The following IPMK variants were observed in gnomAD, a reference collection of about 807,000 sequenced individuals.
IPMK encodes inositol 1,3,4,6-tetrakisphosphate 5-kinase.
IPMK carries 17 observed loss-of-function variants against 45.8 expected under a neutral mutation model. The observed-to-expected ratio is 0.37, with a 90% CI of 0.25 to 0.56. The LOEUF (loss-of-function observed/expected upper bound fraction) is 0.56, where lower values mean the gene tolerates loss of function less well. IPMK is among the 20% of genes least tolerant of loss of function. The pLI is 0.79. For synonymous variants in IPMK, 180 were observed against 184.3 expected, an observed-to-expected ratio of 0.98 and a Z score of 0.19; for missense variants, 399 against 498.0, an observed-to-expected ratio of 0.80 and a Z score of 1.89.
chr10:58,240,756 A>C (rs1838685151), intron 1 of IPMK, among the ~76,000 whole-genome samples: 1 of 152,176 alleles, frequency 6.6e-6, no homozygotes, highest in Non-Finnish European at 1.5e-5. Context: ...AATAAAGCTA[A>C]AATTTTTAAC....
At chr10:58,205,840 T>A (rs573246807) in intron 4 of IPMK, among the ~76,000 whole-genome samples, 8 of 152,304 alleles carry the variant, frequency 5.3e-5, no homozygotes, top group East Asian at 1.9e-4. Flanking sequence ...AATAATTTTT[T>A]AAAAAATTAA....
At position 58,193,557 on chromosome 10, in the gene IPMK, A is replaced by T. The variant is rs1288610548; in HGVS notation, c.*2519T>A. ...AATATCAATTAATGTAAATATTATA[A>T]AACTATTATACAATTTAAATTTTTA... is the stretch of plus-strand genomic sequence containing the variant. On this transcript the variant is annotated 3_prime_UTR_variant, in exon 6 of 6. Coordinates refer to ENST00000373935, the MANE Select transcript of IPMK (RefSeq NM_152230.5). 1 of 151,850 alleles carries T rather than the reference A, an allele frequency of 6.6e-6. No individual in the cohort carries two copies. The highest frequency in any genetic ancestry group is 1.9e-4 in the East Asian group (1 of 5,206). The allele number at this position is 151,850 out of a possible 1,614,324, so 9.4% of individuals were successfully genotyped here.
chr10:58,253,803 G>T (rs1469048810), intron 1 of IPMK, among the ~76,000 whole-genome samples: 1 of 151,288 alleles, frequency 6.6e-6, no homozygotes, highest in African/African-American at 2.4e-5. Context: ...CAATAGTCTT[G>T]GAGGACAATT....
intron 1 of IPMK, among the ~76,000 whole-genome samples, chr10:58,245,134 A>G (rs1441797728): frequency 6.6e-6 from 1 of 152,104 alleles, no homozygotes; most frequent in African/African-American, 2.4e-5. Context: ...TAAAGCATGG[A>G]TAAAACTTAA....
intron 1 of IPMK, among the ~76,000 whole-genome samples, chr10:58,252,436 G>GTTTTT (rs201330209): frequency 7.7e-6 from 1 of 129,978 alleles, no homozygotes; most frequent in Non-Finnish European, 1.7e-5. Context: ...GAATTTGACT[G>GTTTTT]TTTTTTTTTT....
At chr10:58,249,410 C>G (rs1157458305) in intron 1 of IPMK, among the ~76,000 whole-genome samples, 1 of 152,156 alleles carries the variant, frequency 6.6e-6, no homozygotes, top group Non-Finnish European at 1.5e-5. Context: ...GCCATTTTAA[C>G]TAGCATGAGA....
chr10:58,208,877 C>T (rs533931940), intron 4 of IPMK, among the ~76,000 whole-genome samples: 59 of 152,280 alleles, frequency 3.9e-4, no homozygotes, highest in Non-Finnish European at 7.5e-4. Context: ...CAATGGTGGG[C>T]CAAAGTCCCA....
chr10:58,250,084 A>G (rs1162349065), intron 1 of IPMK, among the ~76,000 whole-genome samples: 1 of 152,182 alleles, frequency 6.6e-6, no homozygotes, highest in African/African-American at 2.4e-5. Context: ...TTTGGATATT[A>G]CAGCTATGTG....
chr10:58,242,407 T>G (rs1838708467), intron 1 of IPMK, among the ~76,000 whole-genome samples: 1 of 142,594 alleles, frequency 7.0e-6, no homozygotes, highest in South Asian at 2.2e-4. Flanking sequence ...TTGCAGCGAG[T>G]CGCGATTGTG....
intron 2 of IPMK, among the ~76,000 whole-genome samples, chr10:58,235,377 T>C (rs1412021395): frequency 6.6e-6 from 1 of 152,230 alleles, no homozygotes; most frequent in African/African-American, 2.4e-5. Context: ...GTATGTTTAC[T>C]GCAGCACTAT....
At chr10:58,253,734 C>CAAAAAAAAAA (rs1183304261) in intron 1 of IPMK, among the ~76,000 whole-genome samples, 4 of 49,816 alleles carry the variant, frequency 8.0e-5, no homozygotes, top group South Asian at 6.4e-4. Flanking sequence ...ACTCCATCTC[C>CAAAAAAAAAA]AAAAAAAAAA....
At chr10:58,202,475 A>G (rs530072051) in intron 4 of IPMK, among the ~76,000 whole-genome samples, 3 of 152,236 alleles carry the variant, frequency 2.0e-5, no homozygotes, top group Admixed American at 6.5e-5. Flanking sequence ...GAACAGCCTG[A>G]GCATCATAGT....
At chr10:58,204,052 C>T (rs2132145120) in intron 4 of IPMK, among the ~76,000 whole-genome samples, 1 of 134,136 alleles carries the variant, frequency 7.5e-6, no homozygotes, top group South Asian at 2.3e-4. Context: ...TTAAAGTATA[C>T]ACACTGTTTT....
intron 4 of IPMK, among the ~76,000 whole-genome samples, chr10:58,207,445 A>G (rs1588952995): frequency 6.6e-6 from 1 of 152,214 alleles, no homozygotes; most frequent in Non-Finnish European, 1.5e-5. Context: ...GCTAGATCGA[A>G]TGGTAGTTCT....
chr10:58,251,317 T>A (rs543769145), intron 1 of IPMK, among the ~76,000 whole-genome samples: 1 of 152,320 alleles, frequency 6.6e-6, no homozygotes, highest in East Asian at 1.9e-4. Flanking sequence ...TCCTTCTATA[T>A]CGTTTCTGGG....
intron 3 of IPMK, among the ~76,000 whole-genome samples, chr10:58,223,249 A>C (rs1033535049): frequency 2.0e-5 from 3 of 152,206 alleles, no homozygotes; most frequent in African/African-American, 4.8e-5. Flanking sequence ...TCTTAAACGT[A>C]AGTTAAATAT....
intron 1 of IPMK, among the ~76,000 whole-genome samples, chr10:58,246,691 C>T (rs986110468): frequency 2.0e-5 from 3 of 151,170 alleles, no homozygotes. Context: ...GACCTAAAAC[C>T]ATAAAAACCC....
chr10:58,201,123 T>G (rs1837990637), intron 4 of IPMK, among the ~76,000 whole-genome samples: 1 of 152,202 alleles, frequency 6.6e-6, no homozygotes, highest in Admixed American at 6.5e-5. Flanking sequence ...ATGCAGTATT[T>G]GCATGTTTAA....
intron 4 of IPMK, among the ~76,000 whole-genome samples, chr10:58,215,909 T>G (rs1478604304): frequency 6.6e-6 from 1 of 152,100 alleles, no homozygotes; most frequent in Non-Finnish European, 1.5e-5. Context: ...CATCCATCCA[T>G]TTATTTATCA....
Sources: gnomAD v4.1 joint callset for allele counts (sites outside exome capture counted in the v4.1 genomes callset) on GRCh38, gnomAD v4.1.1 for gene constraint, MANE v1.5 for transcripts, NCBI Gene and HGNC (gene_info 2026-07-23, HGNC 2026-07-21) for gene names.